The following PRKN variants were observed in gnomAD, a reference collection of about 807,000 sequenced individuals.
The protein encoded by PRKN is E3 ubiquitin-protein ligase parkin.
A neutral mutation model predicts 59.5 loss-of-function variants in PRKN; 56 were observed. The observed-to-expected ratio is 0.94, with a 90% CI of 0.76 to 1.18. The LOEUF (loss-of-function observed/expected upper bound fraction) is 1.18, where lower values mean the gene tolerates loss of function less well. Ranked by LOEUF, PRKN falls within the 50% of genes most tolerant of loss-of-function variation. The probability of loss-of-function intolerance (pLI) is 0.00; values close to 1 mark genes in which losing one functional copy is unlikely to be tolerated. For missense variants in PRKN, 657 were observed against 596.4 expected (o/e 1.10, Z -1.06); for synonymous variants, 250 against 222.1 (o/e 1.13, Z -1.12).
chr6:162,389,014 A>AAAAC (rs1554312369), intron 2 of PRKN, among the ~76,000 whole-genome samples: 2 of 151,106 alleles, frequency 1.3e-5, no homozygotes, highest in African/African-American at 4.9e-5. Context: ...CCAGAAAAAA[A>AAAAC]AAAAAAAAAA....
chr6:161,835,962 G>C (rs1792735256), intron 6 of PRKN, among the ~76,000 whole-genome samples: 1 of 152,030 alleles, frequency 6.6e-6, no homozygotes, highest in Admixed American at 6.6e-5. Flanking sequence ...TTTATTTTTT[G>C]GTACATATTT....
chr6:162,316,248 T>A (rs1366319978), intron 2 of PRKN, among the ~76,000 whole-genome samples: 2 of 150,628 alleles, frequency 1.3e-5, no homozygotes, highest in East Asian at 1.9e-4. Context: ...AGGCTGCTAG[T>A]TTTTTAAGTT....
chr6:162,062,077 A>G (rs1778126837), intron 4 of PRKN, among the ~76,000 whole-genome samples: 1 of 152,218 alleles, frequency 6.6e-6, no homozygotes, highest in Non-Finnish European at 1.5e-5. Flanking sequence ...GTCATGTGAG[A>G]TAAATGAAAA....
intron 1 of PRKN, among the ~76,000 whole-genome samples, chr6:162,699,969 T>A (rs9365480): frequency 0.065 from 9,839 of 152,244 alleles, 468 homozygotes; most frequent in East Asian, 0.29. Context: ...AGAACCCTGA[T>A]GAACTTCATC....
intron 4 of PRKN, among the ~76,000 whole-genome samples, chr6:162,111,269 T>C (rs1780422914): frequency 6.6e-6 from 1 of 151,882 alleles, no homozygotes; most frequent in African/African-American, 2.4e-5. Flanking sequence ...ATCGAGACCA[T>C]CCCGGCTAAC....
chr6:162,196,620 A>G (rs1784506212), intron 4 of PRKN, among the ~76,000 whole-genome samples: 1 of 152,204 alleles, frequency 6.6e-6, no homozygotes, highest in Non-Finnish European at 1.5e-5. Context: ...GAAAGAGGAT[A>G]TTCTGATATG....
intron 8 of PRKN, among the ~76,000 whole-genome samples, chr6:161,568,036 G>A (rs1450443796): frequency 6.6e-6 from 1 of 152,120 alleles, no homozygotes; most frequent in African/African-American, 2.4e-5. Context: ...CTGCTATTCT[G>A]GAAACTCACA....
intron 8 of PRKN, among the ~76,000 whole-genome samples, chr6:161,559,904 T>C (rs950706066): frequency 2.6e-5 from 4 of 152,196 alleles, no homozygotes; most frequent in Admixed American, 1.3e-4. Flanking sequence ...CCTCTAACAC[T>C]GAGGAAGCCT....
intron 4 of PRKN, among the ~76,000 whole-genome samples, chr6:162,068,314 T>C (rs1285760128): frequency 6.6e-6 from 1 of 152,198 alleles, no homozygotes; most frequent in Non-Finnish European, 1.5e-5. Context: ...ATATGAGACA[T>C]TATACTTGGC....
intron 1 of PRKN, among the ~76,000 whole-genome samples, chr6:162,525,654 G>A (rs1408774999): frequency 6.6e-6 from 1 of 152,024 alleles, no homozygotes; most frequent in Non-Finnish European, 1.5e-5. Context: ...AGCCCCACGA[G>A]TCAGAGATTT....
At chr6:162,266,622 C>T (rs1379501456) in intron 2 of PRKN, 1 of 152,138 alleles carries the variant, frequency 6.6e-6, no homozygotes, top group East Asian at 1.9e-4. Context: ...TAAAGTCAAA[C>T]GGACTCAAGC....
intron 1 of PRKN, among the ~76,000 whole-genome samples, chr6:162,535,439 TA>T (rs1243004056): frequency 6.6e-6 from 1 of 152,108 alleles, no homozygotes; most frequent in Non-Finnish European, 1.5e-5. Context: ...CACACATATA[TA>T]ATGACCTCAT....
intron 2 of PRKN, among the ~76,000 whole-genome samples, chr6:162,438,437 A>C (rs561100156): frequency 6.6e-6 from 1 of 152,150 alleles, no homozygotes; most frequent in African/African-American, 2.4e-5. Flanking sequence ...TTGTTTAGAA[A>C]ATTTCTTTAG....
At chr6:161,697,329 A>G (rs1786063815) in intron 7 of PRKN, among the ~76,000 whole-genome samples, 1 of 152,208 alleles carries the variant, frequency 6.6e-6, no homozygotes, top group African/African-American at 2.4e-5. Flanking sequence ...ACACATTATA[A>G]TATTTGCTGT....
At chr6:161,691,773 G>A (rs1478064014) in intron 7 of PRKN, among the ~76,000 whole-genome samples, 1 of 152,208 alleles carries the variant, frequency 6.6e-6, no homozygotes, top group Non-Finnish European at 1.5e-5. Flanking sequence ...GAAACAAGAA[G>A]GCAGAGCATT....
chr6:162,277,317 G>A (rs1432977616), intron 2 of PRKN, among the ~76,000 whole-genome samples: 1 of 152,168 alleles, frequency 6.6e-6, no homozygotes, highest in Non-Finnish European at 1.5e-5. Flanking sequence ...GGCATTGTCA[G>A]TTACAAAGGA....
intron 9 of PRKN, among the ~76,000 whole-genome samples, chr6:161,465,557 A>G (rs1204710337): frequency 6.7e-6 from 1 of 149,338 alleles, no homozygotes; most frequent in Admixed American, 6.7e-5. Flanking sequence ...TCTGGCTTCC[A>G]TTGTTTTTGA....
At chr6:161,439,960 T>G (rs1397540494) in intron 9 of PRKN, among the ~76,000 whole-genome samples, 2 of 36,428 alleles carry the variant, frequency 5.5e-5, no homozygotes, top group African/African-American at 1.0e-4. Context: ...TGTTTTTTGT[T>G]TTTTTTTTTT....
At position 161,737,637 on chromosome 6, in the gene PRKN, T is replaced by C. The variant is rs148675136; in HGVS notation, c.871+48135A>G. 2.4e-3 allele frequency among the ~76,000 whole-genome samples: 366 copies of C among 152,240 alleles called. 3 individuals carry two copies. The highest frequency in any genetic ancestry group is 7.8e-3 in the African/African-American group (323 of 41,550). ...TCTGTTATTATTCCCATTTGAAAAC[T>C]GTGGTAAGTGAAGCCCAGCAAGATT... On this transcript the variant is annotated intron_variant, in intron 7 of 11. Transcript: ENST00000366898.
Sources: gnomAD v4.1 joint callset for allele counts (sites outside exome capture counted in the v4.1 genomes callset) on GRCh38, gnomAD v4.1.1 for gene constraint, MANE v1.5 for transcripts, NCBI Gene and HGNC (gene_info 2026-07-23, HGNC 2026-07-21) for gene names.